EPB41: variants seen among roughly 807,000 people sequenced by gnomAD.
EPB41 encodes the protein erythrocyte membrane protein band 4.1, also known as protein 4.1.
A neutral mutation model predicts 108.0 loss-of-function variants in EPB41; 65 were observed. The observed-to-expected ratio is 0.60, with a 90% CI of 0.49 to 0.74. The LOEUF (loss-of-function observed/expected upper bound fraction) is 0.74, where lower values mean the gene tolerates loss of function less well. EPB41 is among the 30% of genes least tolerant of loss of function. The probability of loss-of-function intolerance (pLI) is 0.00; values close to 1 mark genes in which losing one functional copy is unlikely to be tolerated. For synonymous variants in EPB41, 336 were observed against 358.9 expected (o/e 0.94, Z 0.72); for missense variants, 875 against 1,037.0 (o/e 0.84, Z 2.15).
At chr1:29,060,586 G>A (rs1027070757) in intron 15 of EPB41, 102 bp downstream of exon 15, 1 of 1,031,678 alleles carries the variant, frequency 9.7e-7, no homozygotes, top group East Asian at 2.5e-5. Context: ...GGTTTTGCAT[G>A]CAATTGCATG....
chr1:28,980,896 C>T (rs2095726105), intron 1 of EPB41, among the ~76,000 whole-genome samples: 1 of 151,386 alleles, frequency 6.6e-6, no homozygotes, highest in South Asian at 2.1e-4. Flanking sequence ...GCCTGGCCTC[C>T]CGAGTAGCGG....
chr1:29,031,283 T>C (rs1043157388), intron 8 of EPB41, among the ~76,000 whole-genome samples: 5 of 152,060 alleles, frequency 3.3e-5, no homozygotes, highest in African/African-American at 1.2e-4. Context: ...CATTTGAAAA[T>C]ATAGAGCAGT....
At chr1:28,949,067 A>G (rs923194987) in intron 1 of EPB41, among the ~76,000 whole-genome samples, 1 of 152,202 alleles carries the variant, frequency 6.6e-6, no homozygotes, top group Non-Finnish European at 1.5e-5. Context: ...TGAATCTACC[A>G]GTGCTCTCTT....
At position 28,935,652 on chromosome 1, in the gene EPB41, G is replaced by A. The variant is rs997706433; in HGVS notation, c.-8+20884G>A. On this transcript the variant is annotated intron_variant, in intron 1 of 20. Transcript: ENST00000343067. ...AGAGTTACTGTAGGCCAGGCATGGT[G>A]GCTCACTTCTGTAATCTCAGCACTT... Among the ~76,000 whole-genome samples the A allele has an allele frequency of 8.6e-5, 13 of 151,930 alleles. No individual in the cohort carries two copies. The East Asian group carries it at 2.5e-3, about 29-fold the overall frequency.
chr1:29,100,288 GAGAAACC>G (rs1385339569), intron 17 of EPB41, among the ~76,000 whole-genome samples: 1 of 121,960 alleles, frequency 8.2e-6, no homozygotes, highest in Non-Finnish European at 1.9e-5. Context: ...GACCAACATA[GAGAAACC>G]CCGTCTCTAC....
intron 1 of EPB41, among the ~76,000 whole-genome samples, chr1:28,982,085 C>T (rs1054976235): frequency 2.0e-5 from 3 of 151,906 alleles, no homozygotes; most frequent in African/African-American, 7.3e-5. Context: ...TGATGTTCCC[C>T]TTCCTGTGTC....
intron 1 of EPB41, among the ~76,000 whole-genome samples, chr1:28,983,946 G>A (rs1035483478): frequency 1.3e-5 from 2 of 150,938 alleles, no homozygotes; most frequent in African/African-American, 4.9e-5. Context: ...TGAGGTCACA[G>A]GAATGAATTG....
At chr1:28,954,258 T>C (rs1411201238) in intron 1 of EPB41, among the ~76,000 whole-genome samples, 1 of 152,236 alleles carries the variant, frequency 6.6e-6, no homozygotes, top group Non-Finnish European at 1.5e-5. Flanking sequence ...ACTGTGCTAT[T>C]TATCATTGTT....
chr1:28,993,556 C>A lies in EPB41; in HGVS notation c.681+14C>A, dbSNP rs752498663. On this transcript the variant is annotated intron_variant, in intron 3 of 20. Coordinates refer to ENST00000343067, the MANE Select transcript of EPB41 (RefSeq NM_001376013.1). Reference sequence around the variant, plus strand: ...TGTGTTGTGGAGGTGAGTATGTTTTCATTTCCAACAATCAGAACTCTTACA... The same window carrying A: ...TGTGTTGTGGAGGTGAGTATGTTTTAATTTCCAACAATCAGAACTCTTACA... 1.5e-5 allele frequency: 24 copies of A among 1,611,950 alleles called. No individual in the cohort carries two copies. The East Asian group carries it at 5.1e-4, about 34-fold the overall frequency.
At chr1:29,008,357 G>A (rs2096443877) in intron 4 of EPB41, among the ~76,000 whole-genome samples, 1 of 152,016 alleles carries the variant, frequency 6.6e-6, no homozygotes, top group Non-Finnish European at 1.5e-5. Flanking sequence ...ATTGAATACT[G>A]GCTGTGTGCT....
intron 5 of EPB41, among the ~76,000 whole-genome samples, chr1:29,013,557 G>A (rs559198430): frequency 4.6e-5 from 7 of 152,024 alleles, no homozygotes; most frequent in South Asian, 2.1e-4. Flanking sequence ...ATGGAGTTTC[G>A]CTCTTGTTGT....
At chr1:29,110,948 C>T (rs1464778814) in intron 18 of EPB41, among the ~76,000 whole-genome samples, 5 of 152,134 alleles carry the variant, frequency 3.3e-5, no homozygotes, top group African/African-American at 1.2e-4. Flanking sequence ...GGGCGGATCA[C>T]CTGAGATCAG....
chr1:29,030,341 T>C, intron 7 of EPB41, 59 bp from the exon 8 acceptor site: 1 of 1,264,330 alleles, frequency 7.9e-7, no homozygotes, highest in Non-Finnish European at 1.2e-6. Context: ...TATATAAATG[T>C]TACTGTAAAT....
intron 1 of EPB41, among the ~76,000 whole-genome samples, chr1:28,939,506 C>T (rs772778587): frequency 5.3e-5 from 8 of 151,840 alleles, no homozygotes; most frequent in Non-Finnish European, 5.9e-5. Context: ...TGCAGTGGTG[C>T]GATCTTGGCT....
intron 7 of EPB41, among the ~76,000 whole-genome samples, chr1:29,022,312 A>G (rs1285747527): frequency 6.6e-6 from 1 of 150,550 alleles, no homozygotes; most frequent in Non-Finnish European, 1.5e-5. Flanking sequence ...CAAAAAGTTC[A>G]TTGATAAGTT....
chr1:29,008,701 A>T (rs527784918), intron 4 of EPB41, among the ~76,000 whole-genome samples: 1 of 152,270 alleles, frequency 6.6e-6, no homozygotes, highest in Non-Finnish European at 1.5e-5. Flanking sequence ...AGAACTTGAT[A>T]AAGTCTAAGT....
At chr1:28,941,894 C>CAAAAAAAA (rs58524634) in intron 1 of EPB41, among the ~76,000 whole-genome samples, 2 of 64,870 alleles carry the variant, frequency 3.1e-5, no homozygotes, top group Non-Finnish European at 5.5e-5. Flanking sequence ...AGCTCTGTCT[C>CAAAAAAAA]AAAAAAAAAA....
At chr1:29,006,117 T>C (rs2096395119) in intron 4 of EPB41, among the ~76,000 whole-genome samples, 1 of 152,230 alleles carries the variant, frequency 6.6e-6, no homozygotes, top group South Asian at 2.1e-4. Context: ...CTTTCTTCTA[T>C]GCTGTAACCA....
In EPB41 at chr1:28,919,614, C is replaced by T. The variant is rs145038795; in HGVS notation, c.-8+4846C>T. 7.3e-3 allele frequency among the ~76,000 whole-genome samples: 1,109 copies of T among 152,074 alleles called. 18 individuals are homozygous for T. The highest frequency in any genetic ancestry group is 0.023 in the African/African-American group (958 of 41,492). On this transcript the variant is annotated intron_variant, in intron 1 of 20. Transcript: ENST00000343067. ...GAGTAGCTGGGACTACAGGCATGCACGGCTAATTTTTGTATTCTTTGGTAG... is the reference window on the plus strand; with the variant it reads ...GAGTAGCTGGGACTACAGGCATGCATGGCTAATTTTTGTATTCTTTGGTAG...
Sources: gnomAD v4.1 joint callset for allele counts (sites outside exome capture counted in the v4.1 genomes callset) on GRCh38, gnomAD v4.1.1 for gene constraint, MANE v1.5 for transcripts, NCBI Gene and HGNC (gene_info 2026-07-23, HGNC 2026-07-21) for gene names.